FECH: variants seen among roughly 807,000 people sequenced by gnomAD.
FECH encodes the protein ferrochelatase, mitochondrial.
In FECH, 40 loss-of-function variants were observed where a neutral mutation model predicts 56.9. The ratio of observed to expected loss-of-function variants is 0.70; its 90% CI spans 0.55 to 0.92. The LOEUF (loss-of-function observed/expected upper bound fraction) is 0.92, where lower values mean the gene tolerates loss of function less well. Among genes scored for constraint, FECH ranks in the 40% least tolerant of loss-of-function variants. FECH has a pLI of 0.00. For missense variants in FECH, 431 were observed against 529.1 expected, an observed-to-expected ratio of 0.81 and a Z score of 1.82; for synonymous variants, 175 against 198.6, an observed-to-expected ratio of 0.88 and a Z score of 1.00.
intron 3 of FECH, 151 bp from the exon 4 acceptor site, chr18:57,571,691 A>G (rs2051113278): frequency 1.9e-6 from 2 of 1,041,274 alleles, no homozygotes; most frequent in Admixed American, 4.7e-5. Context: ...CATTGACAAT[A>G]GCCAGCTCTC....
At chr18:57,576,619 T>G (rs553535158) in intron 2 of FECH, among the ~76,000 whole-genome samples, 1 of 152,336 alleles carries the variant, frequency 6.6e-6, no homozygotes, top group South Asian at 2.1e-4. Flanking sequence ...GTTTTTCATC[T>G]ATAACACCTG....
intron 5 of FECH, among the ~76,000 whole-genome samples, chr18:57,564,177 A>C (rs747055644): frequency 6.6e-6 from 1 of 152,198 alleles, no homozygotes; most frequent in Non-Finnish European, 1.5e-5. Context: ...CGCGCCCAGC[A>C]TAACTATTGT....
chr18:57,571,373 T>TA lies in FECH; in HGVS notation c.463+18dup. The TA allele has an allele frequency of 1.9e-6, 3 of 1,613,172 alleles. No individual in the cohort carries two copies. The highest frequency in any genetic ancestry group is 2.5e-6 in the Non-Finnish European group (3 of 1,179,120). On this transcript the variant is annotated intron_variant, in intron 4 of 10. Transcript: ENST00000262093. ...CGAAAGAACTAATCTAGTTACATGTTAATGAAGAAACACCATACCTGTGTT... is the reference window on the plus strand; with the variant it reads ...CGAAAGAACTAATCTAGTTACATGTTAAATGAAGAAACACCATACCTGTGTT...
At position 57,545,927 on chromosome 18, in the gene FECH, A is replaced by G. The variant is rs540104438; in HGVS notation, c.*4785T>C. On this transcript the variant is annotated 3_prime_UTR_variant, in exon 11 of 11. Transcript: ENST00000262093. ...GGCGAATGTAGTTAATAATACTTCA[A>G]GTACTGTAGACAGTTGTCCTTCTAT... 6.6e-6 allele frequency among the ~76,000 whole-genome samples: 1 copy of G among 152,334 alleles called. No homozygotes were observed. Among genetic ancestry groups the G allele is most frequent in the South Asian group, 2.1e-4 (1 of 4,826 alleles).
intron 2 of FECH, among the ~76,000 whole-genome samples, chr18:57,575,517 A>G (rs1420137138): frequency 6.6e-6 from 1 of 152,146 alleles, no homozygotes; most frequent in Non-Finnish European, 1.5e-5. Flanking sequence ...AACAAAGCTC[A>G]CTGCATCCTC....
intron 4 of FECH, 56 bp downstream of exon 4, chr18:57,571,336 T>G: frequency 6.3e-7 from 1 of 1,581,788 alleles, no homozygotes; most frequent in East Asian, 2.2e-5. Context: ...CTTTTGAATT[T>G]CATAACTACT....
chr18:57,571,055 G>T (rs1009192351), intron 4 of FECH, among the ~76,000 whole-genome samples: 18 of 152,210 alleles, frequency 1.2e-4, no homozygotes, highest in Non-Finnish European at 2.1e-4. Flanking sequence ...ATTTCCCAAA[G>T]ATTTCTTTCC....
chr18:57,563,603 A>AAAAAAAAAAAAAT (rs2050976266), intron 5 of FECH, among the ~76,000 whole-genome samples: 1 of 150,930 alleles, frequency 6.6e-6, no homozygotes, highest in Non-Finnish European at 1.5e-5. Flanking sequence ...AAAAAAAAAA[A>AAAAAAAAAAAAAT]AGTATGTTAT....
At chr18:57,583,726 C>T (rs966356110) in intron 1 of FECH, among the ~76,000 whole-genome samples, 1 of 152,028 alleles carries the variant, frequency 6.6e-6, no homozygotes, top group East Asian at 1.9e-4. Flanking sequence ...TTTGGGAGGC[C>T]GAGGCGGGAG....
chr18:57,554,180 A>T, intron 9 of FECH, 80 bp downstream of exon 9: 1 of 1,429,138 alleles, frequency 7.0e-7, no homozygotes, highest in Non-Finnish European at 9.9e-7. Context: ...AATATTTCTG[A>T]ATGATACATT....
intron 9 of FECH, among the ~76,000 whole-genome samples, chr18:57,551,944 C>T (rs982189218): frequency 2.7e-5 from 4 of 147,840 alleles, no homozygotes; most frequent in Non-Finnish European, 3.0e-5. Flanking sequence ...AGTGCAGTGG[C>T]GCAATCTCGG....
chr18:57,569,608 T>C (rs1303127892), intron 4 of FECH, among the ~76,000 whole-genome samples: 3 of 152,132 alleles, frequency 2.0e-5, no homozygotes, highest in African/African-American at 7.2e-5. Flanking sequence ...CCTGTCTGTA[T>C]TGCTTTTTCA....
At chr18:57,580,387 G>A (rs1021994486) in intron 1 of FECH, among the ~76,000 whole-genome samples, 188 bp from the exon 2 acceptor site, 1 of 152,020 alleles carries the variant, frequency 6.6e-6, no homozygotes, top group African/African-American at 2.4e-5. Flanking sequence ...GTGGAGGATC[G>A]CTCCCCTAGG....
intron 5 of FECH, among the ~76,000 whole-genome samples, chr18:57,565,344 G>A (rs957482436): frequency 9.9e-5 from 15 of 152,132 alleles, no homozygotes; most frequent in Non-Finnish European, 1.2e-4. Flanking sequence ...GGTGGCTCAC[G>A]CCTGTAATCC....
rs953215117 is a variant in FECH, at chr18:57,576,304, T to C, written c.195-2939A>G. Among the ~76,000 whole-genome samples, 3 of 152,270 alleles carry C rather than the reference T, an allele frequency of 2.0e-5. 1 individual carries two copies. The highest frequency in any genetic ancestry group is 4.1e-4 in the South Asian group (2 of 4,836). On this transcript the variant is annotated intron_variant, in intron 2 of 10. Coordinates refer to ENST00000262093, the MANE Select transcript of FECH (RefSeq NM_000140.5). Reference sequence around the variant, plus strand: ...AACTGCACTGAAGATGTGGTTGTTATATAACTCTTCCATGCTCGAGTCCTA... The same window carrying C: ...AACTGCACTGAAGATGTGGTTGTTACATAACTCTTCCATGCTCGAGTCCTA...
At chr18:57,563,258 G>T (rs552578210) in intron 5 of FECH, among the ~76,000 whole-genome samples, 1 of 152,262 alleles carries the variant, frequency 6.6e-6, no homozygotes, top group Admixed American at 6.5e-5. Flanking sequence ...AATATAAGCA[G>T]TCATATTTAC....
At chr18:57,563,604 A>AAAAAAAAT (rs2050976313) in intron 5 of FECH, among the ~76,000 whole-genome samples, 1 of 149,404 alleles carries the variant, frequency 6.7e-6, no homozygotes, top group East Asian at 2.0e-4. Context: ...AAAAAAAAAA[A>AAAAAAAAT]GTATGTTATT....
At chr18:57,566,109 A>T (rs1033202092) in intron 5 of FECH, among the ~76,000 whole-genome samples, 1 of 152,204 alleles carries the variant, frequency 6.6e-6, no homozygotes, top group African/African-American at 2.4e-5. Context: ...TCAGTAAGAA[A>T]ATCTGGGTAG....
In FECH at chr18:57,580,210, ATT is replaced by A. The variant is rs1316976187; in HGVS notation, c.68-13_68-12del. The A allele has an allele frequency of 6.2e-7, 1 of 1,614,064 alleles. No homozygotes were observed. Among genetic ancestry groups the A allele is most frequent in the Non-Finnish European group, 8.5e-7 (1 of 1,180,046 alleles). ...AGCTGCTGGATGCCACTGTGACAAA[ATT>A]AAAGTGCTCGCATGAAATCTAGCTA... On this transcript the variant is annotated splice_polypyrimidine_tract_variant and intron_variant, in intron 1 of 10. Coordinates refer to ENST00000262093, the MANE Select transcript of FECH (RefSeq NM_000140.5).
Sources: allele counts gnomAD v4.1 joint callset (sites outside exome capture counted in the v4.1 genomes callset), GRCh38; gene constraint gnomAD v4.1.1; transcripts MANE v1.5; gene names NCBI Gene and HGNC (gene_info 2026-07-23, HGNC 2026-07-21).